The following ZFAND3 variants were observed in gnomAD, a reference collection of about 807,000 sequenced individuals.
ZFAND3 encodes the protein zinc finger AN1-type containing 3, also known as AN1-type zinc finger protein 3.
Under a neutral mutation model 29.6 loss-of-function variants are expected in ZFAND3, and 10 were observed. That is an observed-to-expected ratio of 0.34 (90% CI 0.21 to 0.57). The LOEUF is 0.57. ZFAND3 is among the 20% of genes least tolerant of loss of function. The pLI is 0.86. For missense variants in ZFAND3, 230 were observed against 304.5 expected, an observed-to-expected ratio of 0.76 and a Z score of 1.82; for synonymous variants, 128 against 112.6, an observed-to-expected ratio of 1.14 and a Z score of -0.87.
chr6:38,043,508 C>T (rs1167840577), intron 2 of ZFAND3, among the ~76,000 whole-genome samples: 2 of 148,784 alleles, frequency 1.3e-5, no homozygotes, highest in East Asian at 2.0e-4. Context: ...TCCTCCCTTC[C>T]TCCCTCCCTC....
intron 1 of ZFAND3, among the ~76,000 whole-genome samples, chr6:37,886,720 C>T (rs573219594): frequency 2.7e-4 from 41 of 152,206 alleles, no homozygotes; most frequent in African/African-American, 9.2e-4. Flanking sequence ...GTTGTCTGGA[C>T]GTGGTGGTTC....
chr6:37,878,574 C>G (rs1264324018), intron 1 of ZFAND3, among the ~76,000 whole-genome samples: 1 of 152,178 alleles, frequency 6.6e-6, no homozygotes, highest in Non-Finnish European at 1.5e-5. Flanking sequence ...ACAGCAGCAC[C>G]CTGGGGCTGA....
chr6:37,924,864 T>C (rs984957588), intron 1 of ZFAND3, among the ~76,000 whole-genome samples: 2 of 151,448 alleles, frequency 1.3e-5, no homozygotes, highest in Admixed American at 1.3e-4. Context: ...GGAAGGCCAG[T>C]GAGGAGGTTT....
chr6:37,913,705 A>ATTTTTTTTTTTTTTTTTTTT (rs1581756231), intron 1 of ZFAND3, among the ~76,000 whole-genome samples: 4 of 111,644 alleles, frequency 3.6e-5, no homozygotes, highest in African/African-American at 1.0e-4. Flanking sequence ...TGGCAGCTAT[A>ATTTTTTTTTTTTTTTTTTTT]TTCTTTTTTT....
chr6:37,860,695 T>C (rs1023326779), intron 1 of ZFAND3, among the ~76,000 whole-genome samples: 7 of 150,188 alleles, frequency 4.7e-5, no homozygotes, highest in African/African-American at 1.7e-4. Flanking sequence ...ATATACCATA[T>C]ATTTACTCTT....
chr6:38,052,338 T>G (rs1046106026), intron 2 of ZFAND3, among the ~76,000 whole-genome samples: 1 of 152,200 alleles, frequency 6.6e-6, no homozygotes, highest in African/African-American at 2.4e-5. Flanking sequence ...GGGGATAATT[T>G]ATGAAATCCA....
Position 37,819,808 on chromosome 6 carries a change from GCCCGCCCGCGCGCCCGCTCCTTCC to G in ZFAND3, c.-134_-111del, listed in dbSNP as rs891538327. 95 of 518,436 alleles carry G rather than the reference GCCCGCCCGCGCGCCCGCTCCTTCC, an allele frequency of 1.8e-4. No homozygotes were observed. The highest frequency in any genetic ancestry group is 5.1e-4 in the Admixed American group (9 of 17,598). 32.1% of individuals were successfully genotyped at this position (518,436 alleles called of 1,614,324 possible). A position where few individuals can be genotyped will look rare whatever the true frequency, so the allele number is the denominator to read the frequency against. On this transcript the variant is annotated 5_prime_UTR_variant, in exon 1 of 6. Transcript: ENST00000287218. ...TCCCGGCTCCGAGCCCCGGACTCGC[GCCCGCCCGCGCGCCCGCTCCTTCC>G]CCCTCCCCCCGCCCCGAGCCCCCCG...
chr6:37,839,464 G>A (rs1352784356), intron 1 of ZFAND3, among the ~76,000 whole-genome samples: 1 of 151,538 alleles, frequency 6.6e-6, no homozygotes, highest in Admixed American at 6.6e-5. Flanking sequence ...TAACAGGCGT[G>A]AGCCACCGTG....
chr6:38,013,092 T>C (rs1190383109), intron 2 of ZFAND3, among the ~76,000 whole-genome samples: 1 of 152,240 alleles, frequency 6.6e-6, no homozygotes, highest in Non-Finnish European at 1.5e-5. Context: ...AAAGGAAGAC[T>C]CACTGATCAC....
At chr6:37,870,273 C>T (rs1373935555) in intron 1 of ZFAND3, among the ~76,000 whole-genome samples, 2 of 113,310 alleles carry the variant, frequency 1.8e-5, no homozygotes, top group African/African-American at 3.5e-5. Flanking sequence ...CCAGCCTGGG[C>T]GACAGAGCGA....
At chr6:38,120,350 T>G (rs1019454411) in intron 5 of ZFAND3, among the ~76,000 whole-genome samples, 8 of 132,506 alleles carry the variant, frequency 6.0e-5, no homozygotes, top group Admixed American at 3.8e-4. Flanking sequence ...TTTTTTTTTT[T>G]GTGGAGACGG....
chr6:38,103,547 A>C (rs571859258), intron 4 of ZFAND3, among the ~76,000 whole-genome samples: 1 of 129,630 alleles, frequency 7.7e-6, no homozygotes, highest in East Asian at 2.1e-4. Context: ...ACACACATAC[A>C]TACATACACA....
At chr6:37,863,031 G>A (rs1210056791) in intron 1 of ZFAND3, among the ~76,000 whole-genome samples, 1 of 152,000 alleles carries the variant, frequency 6.6e-6, no homozygotes, top group Non-Finnish European at 1.5e-5. Context: ...GGCAGGCATC[G>A]AGTAATGGCA....
At chr6:38,010,746 C>A (rs1206303992) in intron 2 of ZFAND3, among the ~76,000 whole-genome samples, 1 of 151,556 alleles carries the variant, frequency 6.6e-6, no homozygotes, top group Non-Finnish European at 1.5e-5. Flanking sequence ...ATTACAGGCG[C>A]CTGCCACCAT....
intron 2 of ZFAND3, among the ~76,000 whole-genome samples, chr6:38,034,334 A>C (rs1044380755): frequency 6.6e-6 from 1 of 152,204 alleles, no homozygotes; most frequent in African/African-American, 2.4e-5. Context: ...GATAAAGTCC[A>C]TTGGGGTTGG....
chr6:37,874,095 G>T (rs1764748621), intron 1 of ZFAND3, among the ~76,000 whole-genome samples: 1 of 152,148 alleles, frequency 6.6e-6, no homozygotes, highest in Non-Finnish European at 1.5e-5. Context: ...TGTTGGCAGG[G>T]TTTGTTCCTC....
At chr6:37,910,398 T>C (rs1765498392) in intron 1 of ZFAND3, among the ~76,000 whole-genome samples, 1 of 151,806 alleles carries the variant, frequency 6.6e-6, no homozygotes, top group East Asian at 1.9e-4. Context: ...TTAAGTGACA[T>C]GAGAGTCTAA....
intron 2 of ZFAND3, among the ~76,000 whole-genome samples, chr6:38,011,171 C>G (rs1187737684): frequency 6.6e-6 from 1 of 152,048 alleles, no homozygotes; most frequent in African/African-American, 2.4e-5. Flanking sequence ...TCATTGCTTT[C>G]CATTGCATAA....
chr6:37,822,905 G>A (rs896093868), intron 1 of ZFAND3, among the ~76,000 whole-genome samples: 57 of 152,258 alleles, frequency 3.7e-4, no homozygotes, highest in African/African-American at 1.2e-3. Flanking sequence ...TTGGTAGATT[G>A]TGAAGGGTGA....
Sources: gnomAD v4.1 joint callset for allele counts (sites outside exome capture counted in the v4.1 genomes callset) on GRCh38, gnomAD v4.1.1 for gene constraint, MANE v1.5 for transcripts, NCBI Gene and HGNC (gene_info 2026-07-23, HGNC 2026-07-21) for gene names.